Variants in PTPRT observed in about 807,000 individuals in gnomAD.
The protein encoded by PTPRT is receptor-type tyrosine-protein phosphatase T.
Under a neutral mutation model 176.8 loss-of-function variants are expected in PTPRT, and 56 were observed. That is an observed-to-expected ratio of 0.32 (90% CI 0.26 to 0.40). The LOEUF is 0.40. Ranked by LOEUF, PTPRT falls within the 10% of genes least tolerant of loss-of-function variation. PTPRT has a pLI of 1.00. For synonymous variants in PTPRT, 783 were observed against 739.0 expected (o/e 1.06, Z -0.96); for missense variants, 1,540 against 1,908.2 (o/e 0.81, Z 3.60).
chr20:43,113,172 C>T (rs1052806559), intron 1 of PTPRT, among the ~76,000 whole-genome samples: 3 of 152,066 alleles, frequency 2.0e-5, no homozygotes, highest in African/African-American at 7.2e-5. Flanking sequence ...TTTTAATTAA[C>T]TACTTCTCTC....
At chr20:43,056,113 C>T (rs1463332488) in intron 1 of PTPRT, among the ~76,000 whole-genome samples, 1 of 152,006 alleles carries the variant, frequency 6.6e-6, no homozygotes, top group Admixed American at 6.6e-5. Flanking sequence ...AATCCAAAAC[C>T]TGAACTCTTG....
intron 1 of PTPRT, among the ~76,000 whole-genome samples, chr20:42,923,716 C>T (rs76342741): frequency 5.8e-4 from 88 of 152,352 alleles, no homozygotes; most frequent in Non-Finnish European, 9.7e-4. Context: ...GTCCCAGGTA[C>T]TCCACGTGCA....
chr20:42,332,799 A>T (rs1423287551), intron 11 of PTPRT, among the ~76,000 whole-genome samples: 1 of 152,250 alleles, frequency 6.6e-6, no homozygotes, highest in African/African-American at 2.4e-5. Flanking sequence ...ATAATTAAAA[A>T]TTTTAATGAT....
the PTPRT span, among the ~76,000 whole-genome samples, chr20:42,039,692 G>GTATATATATGTATATA: frequency 8.8e-6 from 1 of 113,206 alleles, no homozygotes; most frequent in African/African-American, 3.1e-5. Context: ...ATTCTGTTGT[G>GTATATATATGTATATA]TATATATATA....
In PTPRT at chr20:43,189,668, G is replaced by A. The variant is rs1240468143; in HGVS notation, c.66C>T (p.Gly22=). The A allele has an allele frequency of 2.3e-6, 3 of 1,317,064 alleles. No homozygotes were observed. The highest frequency in any genetic ancestry group is 9.7e-7 in the Non-Finnish European group (1 of 1,034,786). 81.6% of individuals were successfully genotyped at this position (1,317,064 alleles called of 1,614,324 possible). Residue 22 remains glycine (G), a synonymous_variant, in exon 1 of 31, where the codon GGC becomes GGT. Transcript: ENST00000373187. The surrounding 1 kb of genome is among the most constrained non-coding windows in gnomAD (Gnocchi z 5.0). ...LLRLQLPPLP[G]ARAQSAAGGC... ...CACCTGCGGCGCTCTGAGCCCGGGC[G>A]CCGGGCAGTGGCGGCAGCTGCAGCC...
At chr20:42,415,641 A>G (rs185313587) in intron 9 of PTPRT, among the ~76,000 whole-genome samples, 12 of 152,378 alleles carry the variant, frequency 7.9e-5, no homozygotes, top group Non-Finnish European at 1.8e-4. Context: ...AAATGCTAGC[A>G]TAGGACTTGG....
At chr20:42,085,312 C>T (rs141708303) in intron 28 of PTPRT, among the ~76,000 whole-genome samples, 161 of 152,298 alleles carry the variant, frequency 1.1e-3, no homozygotes, top group African/African-American at 3.7e-3. Flanking sequence ...GCCCCTCCCA[C>T]CCACTACTCT....
intron 7 of PTPRT, among the ~76,000 whole-genome samples, chr20:42,503,251 C>T (rs986230828): frequency 1.8e-4 from 28 of 151,608 alleles, no homozygotes; most frequent in Admixed American, 7.2e-4. Flanking sequence ...TCTTTTTTAC[C>T]GTAATATGAT....
At chr20:42,634,041 T>A (rs562445204) in intron 7 of PTPRT, among the ~76,000 whole-genome samples, 2,354 of 31,678 alleles carry the variant, frequency 0.074, 368 homozygotes, top group African/African-American at 0.29. Context: ...ATTATATATA[T>A]TATATATATA....
In PTPRT at chr20:42,107,002, C is replaced by T; in HGVS notation, c.3255-81G>A. 6 of 1,518,396 alleles carry T rather than the reference C, an allele frequency of 4.0e-6. No individual in the cohort carries two copies. In the South Asian group the frequency reaches 5.2e-5, roughly 13 times the overall value. 94.1% of individuals were successfully genotyped at this position (1,518,396 alleles called of 1,614,324 possible). On this transcript the variant is annotated intron_variant, in intron 23 of 30. Transcript: ENST00000373187. ...GGAGGCCCCTAGCATTCAGCCCTAT[C>T]CCCAAGGGTCCTGCTGGGAGGCTCT...
chr20:42,847,167 G>T (rs555896303), intron 2 of PTPRT, among the ~76,000 whole-genome samples: 1 of 152,186 alleles, frequency 6.6e-6, no homozygotes, highest in South Asian at 2.1e-4. Flanking sequence ...GGTACAAAGC[G>T]GGCAAGGACA....
intron 2 of PTPRT, among the ~76,000 whole-genome samples, chr20:42,844,500 G>A (rs1024937943): frequency 1.3e-5 from 2 of 152,144 alleles, no homozygotes; most frequent in Non-Finnish European, 2.9e-5. Context: ...TTTCAGAAAT[G>A]ACAATGGATT....
At chr20:42,794,931 A>G (rs1161067111) in intron 2 of PTPRT, among the ~76,000 whole-genome samples, 3 of 152,090 alleles carry the variant, frequency 2.0e-5, no homozygotes, top group Non-Finnish European at 2.9e-5. Context: ...TATAGGTCTG[A>G]CCACACCCTC....
At chr20:42,945,764 A>G (rs1038167891) in intron 1 of PTPRT, among the ~76,000 whole-genome samples, 1 of 152,018 alleles carries the variant, frequency 6.6e-6, no homozygotes, top group African/African-American at 2.4e-5. Flanking sequence ...TAAAGTGTAC[A>G]ATTCAGTGGC....
chr20:42,937,260 A>G (rs1258604956), intron 1 of PTPRT, among the ~76,000 whole-genome samples: 1 of 152,340 alleles, frequency 6.6e-6, no homozygotes, highest in African/African-American at 2.4e-5. Context: ...ATCCACATGC[A>G]TACACAGGCA....
intron 1 of PTPRT, among the ~76,000 whole-genome samples, chr20:43,135,866 C>T (rs922956941): frequency 6.6e-6 from 1 of 152,184 alleles, no homozygotes; most frequent in African/African-American, 2.4e-5. Context: ...CTTGATCTCC[C>T]CTGTTTCAGA....
chr20:42,195,587 G>C lies in PTPRT; in HGVS notation c.2491+3653C>G, dbSNP rs537342848. 6.2e-4 allele frequency among the ~76,000 whole-genome samples: 92 copies of C among 147,882 alleles called. No homozygotes were observed. In the South Asian group the frequency reaches 8.5e-3, roughly 14 times the overall value. ...GAGAGTGTTTTTGTAGCTGTAGCCT[G>C]AGGACGTCAGATGCATAGAGAGTCC... is the stretch of plus-strand genomic sequence containing the variant. On this transcript the variant is annotated intron_variant, in intron 16 of 30. Coordinates refer to ENST00000373187, the MANE Select transcript of PTPRT (RefSeq NM_007050.6).
intron 9 of PTPRT, among the ~76,000 whole-genome samples, chr20:42,411,785 G>A (rs1020086442): frequency 2.6e-5 from 4 of 151,746 alleles, no homozygotes; most frequent in Admixed American, 2.0e-4. Flanking sequence ...ATTAGGTAAC[G>A]CATTTCACCA....
At chr20:42,451,019 C>T (rs1004275758) in intron 8 of PTPRT, among the ~76,000 whole-genome samples, 3 of 151,940 alleles carry the variant, frequency 2.0e-5, no homozygotes, top group African/African-American at 7.3e-5. Context: ...GTTATCAGGG[C>T]AAAATGGGGA....
Sources: gnomAD v4.1 joint callset for allele counts (sites outside exome capture counted in the v4.1 genomes callset) on GRCh38, gnomAD v4.1.1 for gene constraint, Gnocchi (gnomAD v3.1) non-coding constraint, MANE v1.5 for transcripts, NCBI Gene and HGNC (gene_info 2026-07-23, HGNC 2026-07-21) for gene names.